The following ANKRD11 variants were observed in gnomAD, a reference collection of about 807,000 sequenced individuals.
ANKRD11 encodes the protein ankyrin repeat domain-containing protein 11.
In ANKRD11, 17 loss-of-function variants were observed where a neutral mutation model predicts 195.7. The ratio of observed to expected loss-of-function variants is 0.09; its 90% CI spans 0.06 to 0.13. ANKRD11 has a LOEUF of 0.13. Ranked by LOEUF, ANKRD11 falls within the 10% of genes least tolerant of loss-of-function variation. The pLI is 1.00. For missense variants in ANKRD11, 3,735 were observed against 3,566.1 expected (o/e 1.05, Z -1.21); for synonymous variants, 1,953 against 1,528.1 (o/e 1.28, Z -6.49).
At chr16:89,368,380 T>C (rs969692641) in intron 2 of ANKRD11, among the ~76,000 whole-genome samples, 1 of 130,662 alleles carries the variant, frequency 7.7e-6, no homozygotes, top group Non-Finnish European at 1.6e-5. Context: ...TGTTTTTTTT[T>C]TTTTTTTTTT....
chr16:89,354,107 C>A (rs550441007), intron 2 of ANKRD11, among the ~76,000 whole-genome samples: 1 of 152,148 alleles, frequency 6.6e-6, no homozygotes. Flanking sequence ...CCTCAGGTGC[C>A]GCCTGCAAGG....
chr16:89,440,085 C>G (rs1034057131), intron 1 of ANKRD11, among the ~76,000 whole-genome samples: 3 of 152,180 alleles, frequency 2.0e-5, no homozygotes, highest in African/African-American at 7.2e-5. Context: ...GGACTGAGGT[C>G]TAAAACACAG....
At chr16:89,486,327 G>C (rs1410197582) in intron 1 of ANKRD11, among the ~76,000 whole-genome samples, 1 of 151,868 alleles carries the variant, frequency 6.6e-6, no homozygotes, top group Non-Finnish European at 1.5e-5. Flanking sequence ...TGTGGTCCCA[G>C]CTACTCAGGA....
Position 89,284,647 on chromosome 16 carries a change from T to C in ANKRD11, c.1895A>G (p.His632Arg), listed in dbSNP as rs751008206. ...GTTTTTGTGTTTGTGTTTTGTTTTA[T>C]GTTTTTTGACAACTTTCCCCTCCTT... ...LDKEGKVVKK[H>R]KTKHKHKNKE... is the part of the protein sequence containing the mutation. Residue 632 changes from histidine to arginine, a missense_variant, in exon 9 of 13, where the codon CAT becomes CGT. By Grantham distance (29) the His-to-Arg change is conservative. Coordinates refer to ENST00000301030, the MANE Select transcript of ANKRD11 (RefSeq NM_013275.6). 1.6e-5 allele frequency: 26 copies of C among 1,614,058 alleles called. 2 individuals are homozygous for C. The South Asian group carries it at 2.5e-4, about 16-fold the overall frequency.
chr16:89,302,282 C>G (rs955029565), intron 4 of ANKRD11, among the ~76,000 whole-genome samples: 7 of 152,170 alleles, frequency 4.6e-5, no homozygotes, highest in African/African-American at 1.7e-4. Context: ...GAGACGGAGT[C>G]TTGCTCTGTT....
At chr16:89,333,831 C>A (rs2038191691) in intron 2 of ANKRD11, among the ~76,000 whole-genome samples, 1 of 152,092 alleles carries the variant, frequency 6.6e-6, no homozygotes. Flanking sequence ...GGGGGCACTG[C>A]ACACCATCAC....
At chr16:89,331,339 A>G (rs982111559) in intron 2 of ANKRD11, among the ~76,000 whole-genome samples, 1 of 152,250 alleles carries the variant, frequency 6.6e-6, no homozygotes, top group African/African-American at 2.4e-5. Flanking sequence ...TTAGATGCAC[A>G]GTTCACATCA....
chr16:89,327,147 C>A (rs549366594), intron 2 of ANKRD11, among the ~76,000 whole-genome samples: 1 of 152,048 alleles, frequency 6.6e-6, no homozygotes, highest in African/African-American at 2.4e-5. Flanking sequence ...CTGATGACAG[C>A]GAAATATGTA....
In ANKRD11 at chr16:89,268,266, G is replaced by C. The variant is rs1457830907; in HGVS notation, c.*212C>G. The C allele has an allele frequency of 3.3e-6, 1 of 299,142 alleles. No individual in the cohort carries two copies. Among genetic ancestry groups the C allele is most frequent in the African/African-American group, 4.2e-5 (1 of 23,714 alleles). The allele number at this position is 299,142 out of a possible 1,614,324, so 18.5% of individuals were successfully genotyped here. ...GTGAGGCTCTGGGGGCTTTGCCCCC[G>C]CCGCGGCAGCTGGTAGAGAAGAGAC... On this transcript the variant is annotated 3_prime_UTR_variant, in exon 13 of 13. Coordinates refer to ENST00000301030, the MANE Select transcript of ANKRD11 (RefSeq NM_013275.6).
In ANKRD11 at chr16:89,282,570, A is replaced by T; in HGVS notation, c.3972T>A (p.Ser1324=). 1 of 1,614,092 alleles carries T rather than the reference A, an allele frequency of 6.2e-7. No individual in the cohort carries two copies. Among genetic ancestry groups the T allele is most frequent in the Non-Finnish European group, 8.5e-7 (1 of 1,179,994 alleles). The change falls in exon 9 of 13, where the codon TCT becomes TCA. Residue 1324 remains serine (S), a synonymous_variant. Transcript: ENST00000301030. ...TGTCGTCTCCAGGTGGCTCCGTGAAAGAGACCTCCAGGAAGGCAGTCAGCC... is the reference window on the plus strand; with the variant it reads ...TGTCGTCTCCAGGTGGCTCCGTGAATGAGACCTCCAGGAAGGCAGTCAGCC... ...EPGLTAFLEV[S]FTEPPGDDKP...
chr16:89,354,439 G>A (rs184891877), intron 2 of ANKRD11, among the ~76,000 whole-genome samples: 4 of 152,296 alleles, frequency 2.6e-5, no homozygotes, highest in East Asian at 1.9e-4. Context: ...CTATGCCAGC[G>A]CAGTGCAGAG....
intron 9 of ANKRD11, chr16:89,277,352 G>A (rs1311277314): frequency 6.6e-6 from 1 of 152,272 alleles, no homozygotes; most frequent in Admixed American, 6.5e-5. Flanking sequence ...CCTGGCACCT[G>A]GGCCTGCCTG....
At chr16:89,301,655 A>G (rs1368397369) in intron 4 of ANKRD11, 17 of 398,578 alleles carry the variant, frequency 4.3e-5, no homozygotes, top group Non-Finnish European at 6.6e-5. Flanking sequence ...CACAGAGGTG[A>G]TGCTGTCACA....
In ANKRD11 at chr16:89,281,024, C is replaced by A; in HGVS notation, c.5518G>T (p.Ala1840Ser). The A allele has an allele frequency of 6.3e-7, 1 of 1,593,546 alleles. No homozygotes were observed. The highest frequency in any genetic ancestry group is 1.1e-5 in the South Asian group (1 of 88,642). The change falls in exon 9 of 13, where the codon GCG becomes TCG. Residue 1840 changes from alanine (A) to serine (S), a missense_variant. By Grantham distance (99) the Ala-to-Ser change is moderately conservative. Coordinates refer to ENST00000301030, the MANE Select transcript of ANKRD11 (RefSeq NM_013275.6). This position sits in a 1 kb window ranked among gnomAD's most constrained non-coding sequence, Gnocchi z 5.5. The part of the protein sequence containing the change: ...EDRAPLPPVP[A>S]EKFACLSPGY... ...GGCGACAAGCAGGCAAACTTCTCCG[C>A]GGGAACCGGGGGCAGGGGCGCCCTG...
chr16:89,435,003 A>G (rs1440307501), intron 1 of ANKRD11, among the ~76,000 whole-genome samples: 1 of 152,324 alleles, frequency 6.6e-6, no homozygotes, highest in East Asian at 1.9e-4. Context: ...TGATACACCC[A>G]CAGCCACCAG....
chr16:89,456,109 G>A (rs751487000), intron 1 of ANKRD11, among the ~76,000 whole-genome samples: 1 of 151,964 alleles, frequency 6.6e-6, no homozygotes. Flanking sequence ...GTGTGGTGGC[G>A]TGCACCTGTA....
chr16:89,418,607 C>A, intron 1 of ANKRD11: 2 of 189,218 alleles, frequency 1.1e-5, no homozygotes, highest in African/African-American at 2.3e-5. Flanking sequence ...AAGTCCAGCA[C>A]AAAAAAGAGT....
intron 4 of ANKRD11, chr16:89,300,791 G>A: frequency 1.5e-6 from 1 of 688,840 alleles, no homozygotes; most frequent in Non-Finnish European, 2.6e-6. Flanking sequence ...GCACACCCCA[G>A]GCACCAGAGA....
At chr16:89,376,030 C>G (rs1412260657) in intron 2 of ANKRD11, among the ~76,000 whole-genome samples, 1 of 152,204 alleles carries the variant, frequency 6.6e-6, no homozygotes, top group Non-Finnish European at 1.5e-5. Flanking sequence ...AAAAAAAGAA[C>G]AGGACATCCG....
Sources: gnomAD v4.1 joint callset for allele counts (sites outside exome capture counted in the v4.1 genomes callset) on GRCh38, gnomAD v4.1.1 for gene constraint, Gnocchi (gnomAD v3.1) non-coding constraint, MANE v1.5 for transcripts, NCBI Gene and HGNC (gene_info 2026-07-23, HGNC 2026-07-21) for gene names.